The following WNK1 variants were observed in gnomAD, a reference collection of about 807,000 sequenced individuals.
The protein encoded by WNK1 is serine/threonine-protein kinase WNK1.
In WNK1, 38 loss-of-function variants were observed where a neutral mutation model predicts 222.8. The observed-to-expected ratio is 0.17, with a 90% CI of 0.13 to 0.22. The LOEUF (loss-of-function observed/expected upper bound fraction) is 0.22. Among genes scored for constraint, WNK1 ranks in the 10% least tolerant of loss-of-function variants. The probability of loss-of-function intolerance (pLI) is 1.00; values close to 1 mark genes in which losing one functional copy is unlikely to be tolerated. For synonymous variants in WNK1, 1,090 were observed against 1,092.9 expected, an observed-to-expected ratio of 1.00 and a Z score of 0.05; for missense variants, 2,348 against 2,918.4, an observed-to-expected ratio of 0.80 and a Z score of 4.50.
intron 4 of WNK1, 34 bp from the exon 5 acceptor site, chr12:857,127 C>G: frequency 6.2e-7 from 1 of 1,600,152 alleles, no homozygotes; most frequent in Non-Finnish European, 8.6e-7. Context: ...AAAGGCCCTG[C>G]TTTTATTAAT....
In WNK1 at chr12:861,017, A is replaced by G; in HGVS notation, c.1625A>G (p.Glu542Gly). 6.2e-7 allele frequency: 1 copy of G among 1,613,392 alleles called. No individual in the cohort carries two copies. Among genetic ancestry groups the G allele is most frequent in the South Asian group, 1.1e-5 (1 of 91,066 alleles). Reference sequence around the variant, plus strand: ...ATTTACCCTTTTATTCTGTAGGTAGAGTCTGGGTATGTCTGTGAAGGTGAT... The same window carrying G: ...ATTTACCCTTTTATTCTGTAGGTAGGGTCTGGGTATGTCTGTGAAGGTGAT... ...VPEDVAQEMV[E>G]SGYVCEGDHK... Residue 542 changes from glutamate to glycine, a missense_variant, in exon 7 of 28, where the codon GAG (glutamate) becomes GGG (glycine). Transcript: ENST00000315939.
intron 1 of WNK1, among the ~76,000 whole-genome samples, chr12:800,582 G>GT (rs1945774589): frequency 6.6e-6 from 1 of 151,856 alleles, no homozygotes; most frequent in African/African-American, 2.4e-5. Flanking sequence ...TTTTATCTTT[G>GT]TGAGTTCTCA....
chr12:816,170 A>G (rs1436082538), intron 2 of WNK1, among the ~76,000 whole-genome samples: 1 of 152,238 alleles, frequency 6.6e-6, no homozygotes, highest in African/African-American at 2.4e-5. Context: ...AAGGAATTTT[A>G]CCTGTGTGCA....
chr12:884,906 A>G lies in WNK1; in HGVS notation c.4102A>G (p.Thr1368Ala). The G allele has an allele frequency of 6.2e-7, 1 of 1,614,144 alleles. No homozygotes were observed. Among genetic ancestry groups the G allele is most frequent in the East Asian group, 2.2e-5 (1 of 44,890 alleles). ...ATSSPPNDISTSVIQSEVTVP... is the reference protein window; with the variant it reads ...ATSSPPNDISASVIQSEVTVP... ...AAGCAGCCCTCCTAATGACATTTCC[A>G]CATCAGTAATTCAGTCTGAGGTTAC... Residue 1368 changes from threonine to alanine, a missense_variant, in exon 19 of 28, where the codon ACA becomes GCA. Around this residue, in one of 13 missense-constraint regions of WNK1, gnomAD observed 1,144 missense variants for 1,273.6 expected, o/e 0.90. Coordinates refer to ENST00000315939, the MANE Select transcript of WNK1 (RefSeq NM_018979.4). The surrounding 1 kb of genome is among the most constrained non-coding windows in gnomAD (Gnocchi z 5.6).
chr12:854,921 A>G (rs563563453), intron 4 of WNK1, among the ~76,000 whole-genome samples: 1 of 152,294 alleles, frequency 6.6e-6, no homozygotes, highest in East Asian at 1.9e-4. Flanking sequence ...TTAGATAATA[A>G]TGACAGGGAA....
At chr12:832,340 G>A (rs1948865957) in intron 4 of WNK1, among the ~76,000 whole-genome samples, 1 of 152,144 alleles carries the variant, frequency 6.6e-6, no homozygotes, top group Admixed American at 6.5e-5. Context: ...CTCCCAAAGT[G>A]CTGGAATTAC....
chr12:768,524 T>C (rs936300394), intron 1 of WNK1, among the ~76,000 whole-genome samples: 2 of 152,162 alleles, frequency 1.3e-5, no homozygotes, highest in Admixed American at 1.3e-4. Flanking sequence ...CTAGTGATCA[T>C]CCTCTGGCTA....
At chr12:790,915 A>G (rs940769261) in intron 1 of WNK1, among the ~76,000 whole-genome samples, 4 of 151,890 alleles carry the variant, frequency 2.6e-5, no homozygotes, top group Non-Finnish European at 4.4e-5. Flanking sequence ...TCCAAAGAGG[A>G]TTTACTTGAT....
At chr12:824,104 G>A (rs1323308751) in intron 2 of WNK1, among the ~76,000 whole-genome samples, 10 of 151,362 alleles carry the variant, frequency 6.6e-5, no homozygotes, top group South Asian at 2.1e-4. Flanking sequence ...ACCATGTTTC[G>A]CCATATTGGT....
chr12:818,546 T>C (rs1052244039), intron 2 of WNK1, among the ~76,000 whole-genome samples: 4 of 152,250 alleles, frequency 2.6e-5, no homozygotes, highest in African/African-American at 4.8e-5. Context: ...TATAGTTCAG[T>C]AGTGTTAATA....
chr12:834,989 C>T (rs1256835419), intron 4 of WNK1, among the ~76,000 whole-genome samples: 2 of 152,218 alleles, frequency 1.3e-5, no homozygotes, highest in African/African-American at 4.8e-5. Flanking sequence ...TGGAAAAGGG[C>T]AAATTTTTAC....
chr12:769,677 C>T (rs917538378), intron 1 of WNK1, among the ~76,000 whole-genome samples: 13 of 152,172 alleles, frequency 8.5e-5, no homozygotes, highest in African/African-American at 3.1e-4. Flanking sequence ...AATCTGGGTG[C>T]CAGGTGTGCT....
chr12:761,676 T>G (rs1364865536), intron 1 of WNK1, among the ~76,000 whole-genome samples: 2 of 147,856 alleles, frequency 1.4e-5, no homozygotes, highest in African/African-American at 4.9e-5. Flanking sequence ...TAGATAGAGA[T>G]TAACAGATTT....
At position 885,733 on chromosome 12, in the gene WNK1, A is replaced by G. The variant is rs775443497; in HGVS notation, c.4929A>G (p.Gln1643=). ...GTCCTGAAGTAGATTCTGATACACA[A>G]CCCAAAGCTCCTGGAATTGATGACA... ...THCPEVDSDT[Q]PKAPGIDDIK... Residue 1643 remains glutamine, a synonymous_variant, in exon 19 of 28, where the codon CAA becomes CAG. Coordinates refer to ENST00000315939, the MANE Select transcript of WNK1 (RefSeq NM_018979.4). 8 of 1,614,032 alleles carry G rather than the reference A, an allele frequency of 5.0e-6. No individual in the cohort carries two copies. The highest frequency in any genetic ancestry group is 6.8e-6 in the Non-Finnish European group (8 of 1,180,024).
intron 1 of WNK1, among the ~76,000 whole-genome samples, chr12:808,285 C>CT (rs1357369098): frequency 1.1e-4 from 16 of 150,750 alleles, no homozygotes; most frequent in South Asian, 2.1e-4. Context: ...AGTAGTTTGC[C>CT]TTTTTTTTTC....
chr12:833,501 T>C (rs1948960244), intron 4 of WNK1, among the ~76,000 whole-genome samples: 2 of 152,224 alleles, frequency 1.3e-5, no homozygotes, highest in Admixed American at 1.3e-4. Context: ...TTGTAAATGT[T>C]ATATAATACT....
intron 1 of WNK1, among the ~76,000 whole-genome samples, chr12:793,533 C>T (rs911224754): frequency 1.3e-5 from 2 of 152,024 alleles, no homozygotes; most frequent in Non-Finnish European, 2.9e-5. Flanking sequence ...TCAAAAGGAT[C>T]AGGATAATAG....
At chr12:833,140 T>C (rs1030566146) in intron 4 of WNK1, among the ~76,000 whole-genome samples, 3 of 152,210 alleles carry the variant, frequency 2.0e-5, no homozygotes, top group African/African-American at 4.8e-5. Context: ...CTGCTTCCAC[T>C]ACTTCCAGTT....
Position 884,528 on chromosome 12 carries a change from A to G in WNK1, c.3845-121A>G. 1 of 1,067,276 alleles carries G rather than the reference A, an allele frequency of 9.4e-7. No individual in the cohort carries two copies. The highest frequency in any genetic ancestry group is 1.4e-6 in the Non-Finnish European group (1 of 719,044). The allele number at this position is 1,067,276 out of a possible 1,614,324, so 66.1% of individuals were successfully genotyped here. A position where few individuals can be genotyped will look rare whatever the true frequency, so the allele number is the denominator to read the frequency against. ...TTAGTACTGTTGTCTATGTTTTAAG[A>G]TTACTCCATATTTTTTATCAAAAAC... On this transcript the variant is annotated intron_variant, in intron 18 of 27. Transcript: ENST00000315939. The surrounding 1 kb of genome is among the most constrained non-coding windows in gnomAD (Gnocchi z 5.6).
Sources: allele counts gnomAD v4.1 joint callset (sites outside exome capture counted in the v4.1 genomes callset), GRCh38; gene constraint gnomAD v4.1.1; regional missense constraint gnomAD v4.1.1; non-coding constraint Gnocchi (gnomAD v3.1); transcripts MANE v1.5; gene names NCBI Gene and HGNC (gene_info 2026-07-23, HGNC 2026-07-21).